The following NAALAD2 variants were observed in gnomAD, a reference collection of about 807,000 sequenced individuals.
NAALAD2 encodes the protein N-acetylated alpha-linked acidic dipeptidase 2.
NAALAD2 carries 89 observed loss-of-function variants against 95.6 expected under a neutral mutation model. The observed-to-expected ratio is 0.93, with a 90% CI of 0.78 to 1.11. NAALAD2 has a LOEUF of 1.11. Among genes scored for constraint, NAALAD2 ranks in the 50% least tolerant of loss-of-function variants. NAALAD2 has a pLI of 0.00. For synonymous variants in NAALAD2, 264 were observed against 294.4 expected, an observed-to-expected ratio of 0.90 and a Z score of 1.06; for missense variants, 894 against 872.4, an observed-to-expected ratio of 1.02 and a Z score of -0.31.
rs1952970697 is a variant in NAALAD2 at position 90,181,620 on chromosome 11, A to G, written c.1859A>G (p.Asp620Gly). ...TTCTTCTTTTCTATTTTTAAAAAAG[A>G]CTCCTTATTTTCTGCTGTGAAAAAC... ...QQLTDHGVSF[D>G]SLFSAVKNFS... The change falls in exon 17 of 19, where the codon GAC becomes GGC. Residue 620 changes from aspartate to glycine, a missense_variant and splice_region_variant. Transcript: ENST00000534061. 1 of 1,586,270 alleles carries G rather than the reference A, an allele frequency of 6.3e-7. No individual in the cohort carries two copies. Among genetic ancestry groups the G allele is most frequent in the Admixed American group, 1.7e-5 (1 of 57,848 alleles).
chr11:90,134,686 G>C lies in NAALAD2; in HGVS notation c.-73G>C. ...CCAGAGCTCACAGCCTCCTGCCAGC[G>C]CGCTCTCTGTTTCTCTGCAGCCCCG... On this transcript the variant is annotated 5_prime_UTR_variant, in exon 1 of 19. Transcript: ENST00000534061. 1.4e-6 allele frequency: 2 copies of C among 1,474,412 alleles called. No individual in the cohort carries two copies. Among genetic ancestry groups the C allele is most frequent in the Non-Finnish European group, 1.9e-6 (2 of 1,056,722 alleles). The allele number at this position is 1,474,412 out of a possible 1,614,324, so 91.3% of individuals were successfully genotyped here. A position where few individuals can be genotyped will look rare whatever the true frequency, so the allele number is the denominator to read the frequency against.
intron 16 of NAALAD2, among the ~76,000 whole-genome samples, chr11:90,179,469 A>G (rs916699462): frequency 6.6e-6 from 1 of 152,156 alleles, no homozygotes; most frequent in African/African-American, 2.4e-5. Flanking sequence ...ATATTATTAT[A>G]TAAAGGATTA....
At chr11:90,174,926 C>T (rs1952744233) in intron 14 of NAALAD2, among the ~76,000 whole-genome samples, 1 of 152,032 alleles carries the variant, frequency 6.6e-6, no homozygotes. Context: ...TTAACACAAA[C>T]TTTGTTTCAT....
intron 15 of NAALAD2, among the ~76,000 whole-genome samples, chr11:90,176,722 T>C (rs774706115): frequency 2.0e-5 from 3 of 152,162 alleles, no homozygotes; most frequent in Non-Finnish European, 4.4e-5. Flanking sequence ...AGACACAGAT[T>C]TGTCATAGAT....
At chr11:90,165,412 TAGTTATC>T (rs1952413058) in intron 11 of NAALAD2, among the ~76,000 whole-genome samples, 1 of 152,220 alleles carries the variant, frequency 6.6e-6, no homozygotes, top group African/African-American at 2.4e-5. Context: ...CTCCATCTGC[TAGTTATC>T]ATTTATAAGT....
chr11:90,166,371 CTAAT>C (rs1287783992), intron 11 of NAALAD2, among the ~76,000 whole-genome samples: 1 of 152,106 alleles, frequency 6.6e-6, no homozygotes, highest in Non-Finnish European at 1.5e-5. Context: ...TGTGCCTCCT[CTAAT>C]TTTTTGTCTT....
At chr11:90,184,190 T>C (rs962633858) in intron 18 of NAALAD2, among the ~76,000 whole-genome samples, 2 of 152,184 alleles carry the variant, frequency 1.3e-5, no homozygotes, top group Admixed American at 1.3e-4. Context: ...AAAAAAGGTT[T>C]ATATGTTACC....
chr11:90,156,655 C>T (rs573269704), intron 6 of NAALAD2, among the ~76,000 whole-genome samples: 5 of 152,134 alleles, frequency 3.3e-5, no homozygotes, highest in South Asian at 2.1e-4. Flanking sequence ...GTCCAACCAT[C>T]GCTCACTGTA....
chr11:90,167,287 C>T (rs557082351), intron 11 of NAALAD2, among the ~76,000 whole-genome samples: 66 of 152,290 alleles, frequency 4.3e-4, no homozygotes, highest in African/African-American at 1.3e-3. Flanking sequence ...TCGGAGGCGC[C>T]GGCCAGCCTG....
chr11:90,150,536 A>AGAGAGAT lies in NAALAD2; in HGVS notation c.540_546dup (p.Gly183ArgfsTer23). ...CACTGAAGACTTTTTCAAACTAGAA[A>AGAGAGAT]GAGAGATGGGCATCAACTGTACTGG... On this transcript the variant is annotated frameshift_variant, in exon 5 of 19. Transcript: ENST00000534061. LOFTEE classifies it high-confidence loss of function. The AGAGAGAT allele has an allele frequency of 6.2e-7, 1 of 1,611,842 alleles. No individual in the cohort carries two copies. The highest frequency in any genetic ancestry group is 1.3e-5 in the African/African-American group (1 of 74,962).
At chr11:90,134,259 A>C (rs1375739202), upstream of NAALAD2, among the ~76,000 whole-genome samples, 3 of 152,320 alleles carry the variant, frequency 2.0e-5, no homozygotes, top group East Asian at 5.8e-4. Context: ...TTGCGGTATT[A>C]GTGATGTTAA....
At chr11:90,185,311 A>C (rs1199060581) in intron 18 of NAALAD2, among the ~76,000 whole-genome samples, 1 of 152,110 alleles carries the variant, frequency 6.6e-6, no homozygotes, top group Non-Finnish European at 1.5e-5. Flanking sequence ...ATAAATATGT[A>C]AACCCATTTA....
At chr11:90,146,218 A>G (rs1951745890) in intron 2 of NAALAD2, among the ~76,000 whole-genome samples, 1 of 151,368 alleles carries the variant, frequency 6.6e-6, no homozygotes, top group African/African-American at 2.4e-5. Flanking sequence ...GTCATACAAC[A>G]GGTTTTCAAT....
At chr11:90,173,619 T>G (rs1042419866) in intron 13 of NAALAD2, among the ~76,000 whole-genome samples, 3 of 152,166 alleles carry the variant, frequency 2.0e-5, no homozygotes, top group African/African-American at 7.2e-5. Context: ...GTAGACATCA[T>G]GAATAAAAAA....
intron 11 of NAALAD2, 128 bp downstream of exon 11, chr11:90,163,745 C>G (rs2134921369): frequency 2.2e-6 from 2 of 897,102 alleles, no homozygotes; most frequent in African/African-American, 3.4e-5. Context: ...TGACTCAAGA[C>G]AATTTAAGAA....
In NAALAD2 at chr11:90,158,172, A is replaced by G. The variant is rs1173923096; in HGVS notation, c.824A>G (p.Glu275Gly). The G allele has an allele frequency of 1.2e-6, 2 of 1,609,100 alleles. No homozygotes were observed. The highest frequency in any genetic ancestry group is 1.1e-5 in the South Asian group (1 of 89,998). ...TACACTTTCAGACTTGATGTTGAAG[A>G]AGGAGTGGGAATCCCCCGAATACCT... ...KEYTFRLDVE[E>G]GVGIPRIPVH... The change falls in exon 7 of 19, where the codon GAA (glutamate) becomes GGA (glycine). Residue 275 changes from glutamate to glycine, a missense_variant. By Grantham distance (98) the Glu-to-Gly change is moderately conservative. Transcript: ENST00000534061.
chr11:90,190,618 C>T (rs1440957994), intron 18 of NAALAD2, among the ~76,000 whole-genome samples: 2 of 152,054 alleles, frequency 1.3e-5, no homozygotes, highest in Non-Finnish European at 2.9e-5. Flanking sequence ...GACTCATATA[C>T]AGGTCAGGAT....
intron 14 of NAALAD2, among the ~76,000 whole-genome samples, chr11:90,174,628 T>A (rs1352112920): frequency 6.6e-6 from 1 of 152,178 alleles, no homozygotes; most frequent in African/African-American, 2.4e-5. Context: ...CCAAATTGTG[T>A]CTTTACCTGT....
chr11:90,168,126 C>CAGG (rs959399291), intron 11 of NAALAD2, among the ~76,000 whole-genome samples: 2 of 152,088 alleles, frequency 1.3e-5, no homozygotes, highest in Non-Finnish European at 2.9e-5. Context: ...ACGAACCCAC[C>CAGG]AGGAGGAAGG....
Sources: allele counts gnomAD v4.1 joint callset (sites outside exome capture counted in the v4.1 genomes callset), GRCh38; gene constraint gnomAD v4.1.1; transcripts MANE v1.5; gene names NCBI Gene and HGNC (gene_info 2026-07-23, HGNC 2026-07-21).